Variants in LRRC56 observed in about 807,000 individuals in gnomAD.
The protein encoded by LRRC56 is leucine-rich repeat-containing protein 56.
In LRRC56, 41 loss-of-function variants were observed where a neutral mutation model predicts 47.8. That is an observed-to-expected ratio of 0.86 (90% confidence interval 0.67 to 1.11). LRRC56 has a LOEUF of 1.11. Among genes scored for constraint, LRRC56 ranks in the 50% most tolerant of loss-of-function variants. The pLI is 0.00. For synonymous variants in LRRC56, 387 were observed against 311.2 expected, an observed-to-expected ratio of 1.24 and a Z score of -2.56; for missense variants, 759 against 704.2, an observed-to-expected ratio of 1.08 and a Z score of -0.88.
the LRRC56 span, among the ~76,000 whole-genome samples, chr11:520,525 G>T: frequency 6.6e-6 from 1 of 152,046 alleles, no homozygotes; most frequent in Non-Finnish European, 1.5e-5. Context: ...CATCATGTTG[G>T]CCAGGCTGGT....
At chr11:524,747 C>T in the LRRC56 span, among the ~76,000 whole-genome samples, 2 of 152,146 alleles carry the variant, frequency 1.3e-5, no homozygotes, top group African/African-American at 4.8e-5. Flanking sequence ...TTGACCTAAA[C>T]GTCATAACTT....
chr11:514,538 C>T, the LRRC56 span, among the ~76,000 whole-genome samples: 1 of 152,100 alleles, frequency 6.6e-6, no homozygotes, highest in Non-Finnish European at 1.5e-5. Flanking sequence ...CACTTGACCT[C>T]CCAAAGTGCT....
At chr11:509,261 C>T in the LRRC56 span, among the ~76,000 whole-genome samples, 3 of 152,168 alleles carry the variant, frequency 2.0e-5, no homozygotes, top group African/African-American at 4.8e-5. Context: ...GGAAGGATGC[C>T]GCCAGTCTGA....
rs749170794 is a variant in LRRC56 at position 554,138 on chromosome 11, T to C, written c.1491T>C (p.Pro497=). Residue 497 remains proline, a synonymous_variant, in exon 14 of 14, where the codon CCT becomes CCC. Transcript: ENST00000270115. ...TGGGTGATGGGGTGGCTGCAGTGCCTGTCCTGAGAGCCCTGGAGGTGGCCT... is the reference window on the plus strand; with the variant it reads ...TGGGTGATGGGGTGGCTGCAGTGCCCGTCCTGAGAGCCCTGGAGGTGGCCT... ...PGLGDGVAAV[P]VLRALEVASR... is the part of the protein sequence containing the mutation. 7 of 1,601,862 alleles carry C rather than the reference T, an allele frequency of 4.4e-6. No individual in the cohort carries two copies. The East Asian group carries it at 1.6e-4, about 36-fold the overall frequency.
upstream of LRRC56, chr11:533,345 C>T (rs538781280): frequency 3.1e-6 from 5 of 1,606,110 alleles, no homozygotes; most frequent in East Asian, 8.9e-5. Flanking sequence ...GGAGCTAGAG[C>T]CAGAGCGGCT....
chr11:547,445 C>T (rs901055963), intron 6 of LRRC56, among the ~76,000 whole-genome samples: 5 of 151,798 alleles, frequency 3.3e-5, no homozygotes, highest in East Asian at 2.0e-4. Context: ...TCTCGCCTCC[C>T]GGGTTCACGC....
intron 6 of LRRC56, among the ~76,000 whole-genome samples, chr11:545,588 A>G (rs1028494607): frequency 6.6e-6 from 1 of 152,184 alleles, no homozygotes; most frequent in Non-Finnish European, 1.5e-5. Context: ...GAGGCACAGC[A>G]GAGCCTGTGT....
At chr11:513,571 T>C in the LRRC56 span, among the ~76,000 whole-genome samples, 1 of 151,936 alleles carries the variant, frequency 6.6e-6, no homozygotes, top group Admixed American at 6.6e-5. Flanking sequence ...AGCGATAGGG[T>C]TCGAGAGGAT....
At chr11:532,681 A>G, upstream of LRRC56, 1 of 1,613,092 alleles carries the variant, frequency 6.2e-7, no homozygotes, top group Non-Finnish European at 8.5e-7. Context: ...GGCCACTCTC[A>G]TCAGGAGGGT....
chr11:523,798 C>G, the LRRC56 span, among the ~76,000 whole-genome samples: 1 of 151,326 alleles, frequency 6.6e-6, no homozygotes, highest in East Asian at 1.9e-4. Context: ...TGTGGTGGCG[C>G]ACGCCTGTAG....
the LRRC56 span, among the ~76,000 whole-genome samples, chr11:516,196 C>T: frequency 1.3e-5 from 2 of 152,094 alleles, no homozygotes; most frequent in East Asian, 1.9e-4. Flanking sequence ...GAGTTCAAGA[C>T]CAGCCTGGCC....
chr11:536,347 C>T (rs1851494098), upstream of LRRC56, among the ~76,000 whole-genome samples: 1 of 152,264 alleles, frequency 6.6e-6, no homozygotes, highest in Non-Finnish European at 1.5e-5. Context: ...CACAAGTTGC[C>T]ACAGGGGAGC....
intron 13 of LRRC56, 66 bp downstream of exon 13, chr11:552,768 GCCCTTA>G: frequency 7.1e-7 from 1 of 1,410,478 alleles, no homozygotes; most frequent in South Asian, 1.3e-5. Context: ...CTATAGGGGG[GCCCTTA>G]CCCCAGATCA....
intron 13 of LRRC56, among the ~76,000 whole-genome samples, chr11:553,714 CAG>C (rs1852568140): frequency 6.6e-6 from 1 of 152,216 alleles, no homozygotes; most frequent in Non-Finnish European, 1.5e-5. Flanking sequence ...GGACAGGACA[CAG>C]AGGACCCAGG....
the LRRC56 span, among the ~76,000 whole-genome samples, chr11:517,739 G>A: frequency 6.6e-6 from 1 of 152,146 alleles, no homozygotes; most frequent in Non-Finnish European, 1.5e-5. Context: ...AGGGGGAAAT[G>A]TGGGGAAAAG....
At chr11:543,905 T>C (rs537318919) in intron 5 of LRRC56, among the ~76,000 whole-genome samples, 25 of 152,256 alleles carry the variant, frequency 1.6e-4, no homozygotes, top group Middle Eastern at 3.4e-3. Context: ...CCCGCCACCA[T>C]ACCCGGCTAA....
rs748334074 is a variant in LRRC56 at position 540,869 on chromosome 11, T to G, written c.177+8T>G. 7 of 1,540,896 alleles carry G rather than the reference T, an allele frequency of 4.5e-6. No individual in the cohort carries two copies. The South Asian group carries it at 8.4e-5, about 18-fold the overall frequency. ...CTGTCCCCTGCCCGGCTGGTGAGTG[T>G]GGGCGCTGGGGGCTGTGGCCACAGA... On this transcript the variant is annotated splice_region_variant and intron_variant, in intron 4 of 13. Coordinates refer to ENST00000270115, the MANE Select transcript of LRRC56 (RefSeq NM_198075.4).
chr11:534,115 A>G, upstream of LRRC56: 1 of 1,194,830 alleles, frequency 8.4e-7, no homozygotes, highest in Non-Finnish European at 1.2e-6. Context: ...CCACAGCACC[A>G]TGCAGGGGAC....
At position 554,010 on chromosome 11, in the gene LRRC56, C is replaced by T. The variant is rs1852605198; in HGVS notation, c.1363C>T (p.His455Tyr). ...GCACCTGGTCCCTTCACCTCCCAAG[C>T]ACCCAAGGCCACGAGATTCTGGCAG... is the stretch of plus-strand genomic sequence containing the variant. The part of the protein sequence containing the change: ...SQHLVPSPPK[H>Y]PRPRDSGSSS... Residue 455 changes from histidine to tyrosine, a missense_variant, in exon 14 of 14, where the codon CAC (histidine) becomes TAC (tyrosine). Coordinates refer to ENST00000270115, the MANE Select transcript of LRRC56 (RefSeq NM_198075.4). 1 of 1,612,282 alleles carries T rather than the reference C, an allele frequency of 6.2e-7. No homozygotes were observed. The highest frequency in any genetic ancestry group is 1.1e-5 in the South Asian group (1 of 91,084).
Sources: allele counts gnomAD v4.1 joint callset (sites outside exome capture counted in the v4.1 genomes callset), GRCh38; gene constraint gnomAD v4.1.1; transcripts MANE v1.5; gene names NCBI Gene and HGNC (gene_info 2026-07-23, HGNC 2026-07-21).